The following ANO3 variants were observed in gnomAD, a reference collection of about 807,000 sequenced individuals.
The protein encoded by ANO3 is anoctamin-3.
A neutral mutation model predicts 144.8 loss-of-function variants in ANO3; 99 were observed. The observed-to-expected ratio is 0.68, with a 90% CI of 0.58 to 0.81. The LOEUF (loss-of-function observed/expected upper bound fraction) is 0.81, where lower values mean the gene tolerates loss of function less well. Ranked by LOEUF, ANO3 falls within the 30% of genes least tolerant of loss-of-function variation. The pLI is 0.00. For missense variants in ANO3, 905 were observed against 1,202.2 expected (o/e 0.75, Z 3.66); for synonymous variants, 414 against 392.6 (o/e 1.05, Z -0.64).
In ANO3 at chr11:26,661,851, G is replaced by A. The variant is rs1191388740; in HGVS notation, c.*1407G>A. On this transcript the variant is annotated 3_prime_UTR_variant, in exon 27 of 27. Coordinates refer to ENST00000256737, the MANE Select transcript of ANO3 (RefSeq NM_031418.4). ...GCTATGGAGGTTGGAAAGGAAGAAA[G>A]AGAAGAGCTGAAGTAAATGTATGGT... The A allele has an allele frequency of 6.6e-6, 1 of 152,078 alleles. No homozygotes were observed. Among genetic ancestry groups the A allele is most frequent in the African/African-American group, 2.4e-5 (1 of 41,434 alleles). 9.4% of individuals were successfully genotyped at this position (152,078 alleles called of 1,614,324 possible). A position where few individuals can be genotyped will look rare whatever the true frequency, so the allele number is the denominator to read the frequency against.
intron 1 of ANO3, among the ~76,000 whole-genome samples, chr11:26,352,921 C>A (rs1370433434): frequency 1.3e-5 from 2 of 152,134 alleles, no homozygotes; most frequent in African/African-American, 4.8e-5. Flanking sequence ...TAGGGGAGGT[C>A]ACCAAACACT....
At chr11:26,566,221 G>A (rs918585520) in intron 14 of ANO3, among the ~76,000 whole-genome samples, 2 of 151,694 alleles carry the variant, frequency 1.3e-5, no homozygotes, top group Admixed American at 6.6e-5. Context: ...ACACATACAC[G>A]TATATTTAAA....
At chr11:26,452,805 A>T (rs888451612) in intron 3 of ANO3, among the ~76,000 whole-genome samples, 1 of 152,210 alleles carries the variant, frequency 6.6e-6, no homozygotes, top group Admixed American at 6.5e-5. Context: ...AAATGAAGGA[A>T]AAAATGTTAA....
chr11:26,602,595 T>TTC (rs1851830685), intron 17 of ANO3, among the ~76,000 whole-genome samples: 1 of 149,404 alleles, frequency 6.7e-6, no homozygotes, highest in African/African-American at 2.4e-5. Context: ...TTTCTTTTTT[T>TTC]TTTTTTTAAA....
intron 1 of ANO3, among the ~76,000 whole-genome samples, chr11:26,268,262 T>C (rs1037037145): frequency 6.6e-6 from 1 of 152,114 alleles, no homozygotes; most frequent in African/African-American, 2.4e-5. Flanking sequence ...AAAGTCTAAG[T>C]TTATTCAATT....
At chr11:26,304,145 G>A (rs1031935008) in intron 1 of ANO3, among the ~76,000 whole-genome samples, 1 of 151,798 alleles carries the variant, frequency 6.6e-6, no homozygotes, top group African/African-American at 2.4e-5. Flanking sequence ...TTACTACTAA[G>A]GATTAATATT....
intron 1 of ANO3, among the ~76,000 whole-genome samples, chr11:26,396,708 C>T (rs1253567987): frequency 6.6e-6 from 1 of 151,888 alleles, no homozygotes; most frequent in African/African-American, 2.4e-5. Context: ...AACCAAATAC[C>T]ACATGTTGTC....
At chr11:26,321,984 C>T (rs1854771598) in intron 1 of ANO3, among the ~76,000 whole-genome samples, 1 of 151,964 alleles carries the variant, frequency 6.6e-6, no homozygotes, top group African/African-American at 2.4e-5. Flanking sequence ...GTTCATGGTT[C>T]CATTCCTCAA....
chr11:26,433,187 C>T (rs1456015192), intron 1 of ANO3, among the ~76,000 whole-genome samples: 2 of 152,068 alleles, frequency 1.3e-5, no homozygotes, highest in Admixed American at 6.6e-5. Flanking sequence ...TGATGGCTCT[C>T]GGCTTAGCTG....
chr11:26,364,848 C>T (rs961528071), intron 1 of ANO3, among the ~76,000 whole-genome samples: 2 of 152,144 alleles, frequency 1.3e-5, no homozygotes, highest in African/African-American at 4.8e-5. Flanking sequence ...TCATTCTGCA[C>T]CTGCCCCACC....
rs776076797 is a variant in ANO3 at position 26,642,016 on chromosome 11, G to A, written c.2262G>A (p.Glu754=). The A allele has an allele frequency of 3.1e-6, 5 of 1,612,592 alleles. No individual in the cohort carries two copies. The South Asian group carries it at 3.3e-5, about 11-fold the overall frequency. ...QPMNLHGLMD[E]YLEMVLQFGF... ...TGAACCTTCATGGACTGATGGATGA[G>A]TACTTAGAAATGGGTAAGGAAAAAA... The change falls in exon 22 of 27, where the codon GAG becomes GAA. Residue 754 remains glutamate, a synonymous_variant. Coordinates refer to ENST00000256737, the MANE Select transcript of ANO3 (RefSeq NM_031418.4).
chr11:26,469,380 A>G (rs1859702927), intron 4 of ANO3, among the ~76,000 whole-genome samples: 1 of 151,892 alleles, frequency 6.6e-6, no homozygotes, highest in Non-Finnish European at 1.5e-5. Context: ...TAAAGGTAGC[A>G]TTTCACATCA....
chr11:26,569,270 A>T (rs1188148874), intron 14 of ANO3, among the ~76,000 whole-genome samples: 1 of 152,176 alleles, frequency 6.6e-6, no homozygotes, highest in Non-Finnish European at 1.5e-5. Flanking sequence ...GTTACTGCCT[A>T]TAATTTATCT....
At chr11:26,303,715 ATT>A (rs1168405959) in intron 1 of ANO3, among the ~76,000 whole-genome samples, 1 of 152,072 alleles carries the variant, frequency 6.6e-6, no homozygotes, top group Non-Finnish European at 1.5e-5. Context: ...TGAAATTATT[ATT>A]GTTATTATTT....
intron 1 of ANO3, among the ~76,000 whole-genome samples, chr11:26,256,805 T>TA (rs1019674535): frequency 6.6e-6 from 1 of 152,172 alleles, no homozygotes; most frequent in Non-Finnish European, 1.5e-5. Flanking sequence ...TCTTTTTTTT[T>TA]ATTCCACATT....
intron 1 of ANO3, among the ~76,000 whole-genome samples, chr11:26,267,880 T>G (rs1279773817): frequency 6.6e-6 from 1 of 152,088 alleles, no homozygotes; most frequent in East Asian, 1.9e-4. Context: ...ATTTTTTTTC[T>G]TTCTGATATC....
At chr11:26,558,000 T>A (rs1398968266) in intron 13 of ANO3, among the ~76,000 whole-genome samples, 3 of 152,206 alleles carry the variant, frequency 2.0e-5, no homozygotes, top group Non-Finnish European at 4.4e-5. Context: ...CTTCTAGCTT[T>A]ATCTCCCATT....
At chr11:26,300,241 T>A (rs1233412946) in intron 1 of ANO3, among the ~76,000 whole-genome samples, 1 of 151,738 alleles carries the variant, frequency 6.6e-6, no homozygotes, top group Non-Finnish European at 1.5e-5. Context: ...GACACACGCA[T>A]ACACAGAGAC....
intron 1 of ANO3, among the ~76,000 whole-genome samples, chr11:26,218,853 C>T (rs925006321): frequency 6.6e-6 from 1 of 152,100 alleles, no homozygotes; most frequent in African/African-American, 2.4e-5. Flanking sequence ...GAGATAGTGT[C>T]CTGCAAAATG....
Sources: gnomAD v4.1 joint callset for allele counts (sites outside exome capture counted in the v4.1 genomes callset) on GRCh38, gnomAD v4.1.1 for gene constraint, MANE v1.5 for transcripts, NCBI Gene and HGNC (gene_info 2026-07-23, HGNC 2026-07-21) for gene names.